ME1: variants seen among roughly 807,000 people sequenced by gnomAD.
ME1 encodes malic enzyme 1.
A neutral mutation model predicts 66.4 loss-of-function variants in ME1; 74 were observed. The observed-to-expected ratio is 1.11, with a 90% CI of 0.92 to 1.35. The LOEUF (loss-of-function observed/expected upper bound fraction) is 1.35. Among genes scored for constraint, ME1 ranks in the 40% most tolerant of loss-of-function variants. The pLI, the probability that ME1 is intolerant of heterozygous loss-of-function variation, is 0.00. For missense variants in ME1, 750 were observed against 694.1 expected (o/e 1.08, Z -0.90); for synonymous variants, 251 against 235.6 (o/e 1.07, Z -0.60).
intron 7 of ME1, among the ~76,000 whole-genome samples, chr6:83,242,249 C>T (rs750867251): frequency 5.3e-5 from 8 of 152,112 alleles, no homozygotes; most frequent in African/African-American, 9.7e-5. Context: ...TAGAAACTTA[C>T]GACTTTAACA....
chr6:83,385,668 A>G (rs1769491127), intron 3 of ME1, among the ~76,000 whole-genome samples: 1 of 151,924 alleles, frequency 6.6e-6, no homozygotes. Context: ...CTGATGTTAG[A>G]AACATGTCTA....
chr6:83,407,860 A>AG lies in ME1; in HGVS notation c.119_120insC (p.His41SerfsTer17). On this transcript the variant is annotated frameshift_variant, in exon 2 of 14. Coordinates refer to ENST00000369705, the MANE Select transcript of ME1 (RefSeq NM_002395.6). LOFTEE classifies it high-confidence loss of function. ...TGAAGGAAGGTGGCAACAATCCATG[A>AG]ATGTTCAATTGCTGTCTCTCTTCCA... 6.2e-7 allele frequency: 1 copy of AG among 1,613,360 alleles called. No homozygotes were observed.
chr6:83,273,941 A>G (rs1351599759), intron 6 of ME1, among the ~76,000 whole-genome samples: 2 of 152,120 alleles, frequency 1.3e-5, no homozygotes, highest in Non-Finnish European at 2.9e-5. Flanking sequence ...TTTTCAGTGG[A>G]AACTGTTAAA....
chr6:83,325,646 TAC>T (rs1467163049), intron 5 of ME1, among the ~76,000 whole-genome samples: 1 of 151,978 alleles, frequency 6.6e-6, no homozygotes, highest in African/African-American at 2.4e-5. Context: ...TACCTAGGAA[TAC>T]AGTTAACAAG....
At chr6:83,399,755 T>C (rs1769807386) in intron 2 of ME1, among the ~76,000 whole-genome samples, 1 of 152,200 alleles carries the variant, frequency 6.6e-6, no homozygotes, top group African/African-American at 2.4e-5. Flanking sequence ...GCAAAACTAC[T>C]CAACAATCTT....
At chr6:83,349,963 T>TCC (rs1768766113) in intron 4 of ME1, among the ~76,000 whole-genome samples, 4 of 152,194 alleles carry the variant, frequency 2.6e-5, no homozygotes, top group Non-Finnish European at 5.9e-5. Context: ...CTATCAAAGG[T>TCC]TGGATTTAAG....
intron 6 of ME1, among the ~76,000 whole-genome samples, chr6:83,261,751 C>T (rs903606865): frequency 6.6e-6 from 1 of 152,094 alleles, no homozygotes; most frequent in African/African-American, 2.4e-5. Flanking sequence ...CGGTGGCTCA[C>T]GCCTGTAATC....
At chr6:83,313,178 T>C (rs779659807) in intron 6 of ME1, among the ~76,000 whole-genome samples, 1 of 152,248 alleles carries the variant, frequency 6.6e-6, no homozygotes, top group Non-Finnish European at 1.5e-5. Flanking sequence ...TTATCTTCAC[T>C]ACAACTTCCC....
intron 5 of ME1, among the ~76,000 whole-genome samples, chr6:83,340,780 T>C (rs996385593): frequency 1.3e-5 from 2 of 152,168 alleles, no homozygotes; most frequent in Non-Finnish European, 2.9e-5. Flanking sequence ...ACAGTTTATA[T>C]AGCATAGGAA....
chr6:83,234,566 T>A (rs550141387), intron 9 of ME1, among the ~76,000 whole-genome samples: 1 of 152,302 alleles, frequency 6.6e-6, no homozygotes, highest in East Asian at 1.9e-4. Flanking sequence ...CTTCCATATT[T>A]CATCAGTTAC....
rs1375520165 is a variant in ME1 at position 83,223,768 on chromosome 6, T to C, written c.1441A>G (p.Thr481Ala). The change falls in exon 12 of 14, where the codon ACT (threonine) becomes GCT (alanine). Residue 481 changes from threonine to alanine, a missense_variant. Physicochemically the swap from Thr to Ala is moderately conservative, Grantham distance 58 (BLOSUM62 0). Transcript: ENST00000369705. The part of the protein sequence containing the change: ...RQITDNIFLT[T>A]AEVIAQQVSD... ...AGAGGATTTTACAATACCTCAGCAG[T>C]AGTGAGGAAAATATTATCTGTGATC... 5 of 1,613,542 alleles carry C rather than the reference T, an allele frequency of 3.1e-6. No individual in the cohort carries two copies. The highest frequency in any genetic ancestry group is 4.2e-6 in the Non-Finnish European group (5 of 1,179,730).
chr6:83,241,805 A>G (rs1009827546), intron 7 of ME1, among the ~76,000 whole-genome samples: 3 of 152,176 alleles, frequency 2.0e-5, no homozygotes, highest in African/African-American at 7.2e-5. Flanking sequence ...TAAGCTTTTT[A>G]TAAGTCAGAC....
intron 6 of ME1, among the ~76,000 whole-genome samples, chr6:83,296,166 C>T (rs1223443827): frequency 6.6e-6 from 1 of 152,072 alleles, no homozygotes; most frequent in South Asian, 2.1e-4. Context: ...TTCTATGATG[C>T]CAGCATCATC....
intron 6 of ME1, among the ~76,000 whole-genome samples, chr6:83,298,942 T>TG (rs1164499161): frequency 2.6e-4 from 18 of 68,484 alleles, no homozygotes; most frequent in African/African-American, 7.6e-4. Flanking sequence ...TTTTTTTTTT[T>TG]TTTTTTTTTT....
intron 6 of ME1, among the ~76,000 whole-genome samples, chr6:83,271,527 T>G (rs888234667): frequency 6.6e-6 from 1 of 152,202 alleles, no homozygotes; most frequent in Non-Finnish European, 1.5e-5. Flanking sequence ...TGATTAGTCT[T>G]TCTCATATCA....
chr6:83,240,742 G>A (rs972086177), intron 7 of ME1, among the ~76,000 whole-genome samples: 1 of 152,096 alleles, frequency 6.6e-6, no homozygotes, highest in African/African-American at 2.4e-5. Context: ...ATGACACAAC[G>A]ATGAAGCGTT....
At chr6:83,301,703 T>A (rs1767724403) in intron 6 of ME1, among the ~76,000 whole-genome samples, 1 of 152,090 alleles carries the variant, frequency 6.6e-6, no homozygotes, top group South Asian at 2.1e-4. Context: ...AAAAGTTCAA[T>A]ATCACTGATC....
At chr6:83,219,060 T>G (rs1238594069) in intron 12 of ME1, among the ~76,000 whole-genome samples, 1 of 152,212 alleles carries the variant, frequency 6.6e-6, no homozygotes, top group African/African-American at 2.4e-5. Flanking sequence ...CTGAAAGTTA[T>G]GGGCTCTTAC....
intron 6 of ME1, among the ~76,000 whole-genome samples, chr6:83,277,523 T>C (rs1281437789): frequency 6.6e-6 from 1 of 152,166 alleles, no homozygotes; most frequent in African/African-American, 2.4e-5. Context: ...TACCATATTA[T>C]TTAAGGTAAC....
Sources: allele counts gnomAD v4.1 joint callset (sites outside exome capture counted in the v4.1 genomes callset), GRCh38; gene constraint gnomAD v4.1.1; transcripts MANE v1.5; gene names NCBI Gene and HGNC (gene_info 2026-07-23, HGNC 2026-07-21).